Variants in NXPE2 observed in about 807,000 individuals in gnomAD.
The protein encoded by NXPE2 is neurexophilin and PC-esterase domain family member 2.
NXPE2 carries 34 observed loss-of-function variants against 34.4 expected under a neutral mutation model. The observed-to-expected ratio is 0.99, with a 90% CI of 0.75 to 1.31. The LOEUF (loss-of-function observed/expected upper bound fraction) is 1.31, where lower values mean the gene tolerates loss of function less well. NXPE2 is among the 40% of genes most tolerant of loss of function. The pLI is 0.00. For missense variants in NXPE2, 649 were observed against 672.5 expected, an observed-to-expected ratio of 0.97 and a Z score of 0.39; for synonymous variants, 235 against 231.3, an observed-to-expected ratio of 1.02 and a Z score of -0.15.
At chr11:114,506,548 C>T in the NXPE2 span, among the ~76,000 whole-genome samples, 1 of 152,212 alleles carries the variant, frequency 6.6e-6, no homozygotes, top group Admixed American at 6.5e-5. Context: ...GACCACATCA[C>T]AATCAAATTA....
intron 2 of NXPE2, among the ~76,000 whole-genome samples, chr11:114,686,264 C>A (rs1462498343): frequency 6.6e-6 from 1 of 152,054 alleles, no homozygotes; most frequent in Admixed American, 6.6e-5. Flanking sequence ...CAATCCTTGC[C>A]ATCCTCCCTC....
chr11:114,575,241 A>G, the NXPE2 span, among the ~76,000 whole-genome samples: 1 of 152,272 alleles, frequency 6.6e-6, no homozygotes, highest in Non-Finnish European at 1.5e-5. Flanking sequence ...CATAATACTG[A>G]ATGGGGAAAA....
At chr11:114,786,882 A>T in the NXPE2 span, among the ~76,000 whole-genome samples, 1 of 152,142 alleles carries the variant, frequency 6.6e-6, no homozygotes, top group African/African-American at 2.4e-5. Context: ...ATACAGCCTC[A>T]CACACTGCTT....
the NXPE2 span, among the ~76,000 whole-genome samples, chr11:114,772,547 C>CT: frequency 6.6e-6 from 1 of 151,982 alleles, no homozygotes; most frequent in African/African-American, 2.4e-5. Flanking sequence ...GTGCTAGCTT[C>CT]TTTGAAGGGT....
intron 2 of NXPE2, among the ~76,000 whole-genome samples, chr11:114,687,737 A>C (rs561096777): frequency 6.6e-6 from 1 of 152,000 alleles, no homozygotes; most frequent in Non-Finnish European, 1.5e-5. Flanking sequence ...TCCATGAGCA[A>C]GGGATGTTTT....
upstream of NXPE2, among the ~76,000 whole-genome samples, chr11:114,675,489 A>G (rs180898404): frequency 6.6e-6 from 1 of 151,996 alleles, no homozygotes; most frequent in African/African-American, 2.4e-5. Context: ...GCAGAAATAC[A>G]TAGATTTTCT....
chr11:114,684,708 C>T (rs1167198654), intron 2 of NXPE2, among the ~76,000 whole-genome samples: 1 of 151,860 alleles, frequency 6.6e-6, no homozygotes, highest in Non-Finnish European at 1.5e-5. Flanking sequence ...TCAGAGGCTC[C>T]AAAAATTTTC....
the NXPE2 span, among the ~76,000 whole-genome samples, chr11:114,525,015 A>C: frequency 6.6e-6 from 1 of 152,182 alleles, no homozygotes; most frequent in East Asian, 1.9e-4. Flanking sequence ...CCGTAGGTCA[A>C]ACAGCCTTGG....
the NXPE2 span, among the ~76,000 whole-genome samples, chr11:114,773,221 C>T: frequency 1.3e-5 from 2 of 151,114 alleles, no homozygotes; most frequent in Non-Finnish European, 2.9e-5. Flanking sequence ...CAATGGACTC[C>T]AAGACAGAGC....
At chr11:114,538,498 C>T in the NXPE2 span, among the ~76,000 whole-genome samples, 1 of 152,070 alleles carries the variant, frequency 6.6e-6, no homozygotes, top group Non-Finnish European at 1.5e-5. Flanking sequence ...AGGCAACCTA[C>T]AAAATGGGAG....
the NXPE2 span, among the ~76,000 whole-genome samples, chr11:114,672,165 C>T: frequency 1.3e-5 from 2 of 152,000 alleles, no homozygotes; most frequent in Non-Finnish European, 2.9e-5. Context: ...TCACTTCCCA[C>T]CAGATCCCTC....
At chr11:114,571,608 G>T in the NXPE2 span, 1 of 858,762 alleles carries the variant, frequency 1.2e-6, no homozygotes. Context: ...GTTTAGATGA[G>T]GGGATGTTTT....
the NXPE2 span, among the ~76,000 whole-genome samples, chr11:114,537,904 C>CT: frequency 2.0e-5 from 3 of 152,184 alleles, no homozygotes; most frequent in South Asian, 6.2e-4. Context: ...CTACCAATGA[C>CT]TTTCTTCACA....
chr11:114,607,743 C>T, the NXPE2 span, among the ~76,000 whole-genome samples: 186 of 151,820 alleles, frequency 1.2e-3, no homozygotes, highest in African/African-American at 3.4e-3. Context: ...CACAGTTGCC[C>T]GGTGGATAAT....
At chr11:114,714,590 C>T in the NXPE2 span, among the ~76,000 whole-genome samples, 1 of 152,202 alleles carries the variant, frequency 6.6e-6, no homozygotes, top group Non-Finnish European at 1.5e-5. Context: ...TCTCCCATGC[C>T]ACCTCTCGGC....
chr11:114,515,860 C>CA, the NXPE2 span, among the ~76,000 whole-genome samples: 1 of 151,742 alleles, frequency 6.6e-6, no homozygotes, highest in South Asian at 2.1e-4. Flanking sequence ...ACTGGTATTT[C>CA]AAAAGAAAAA....
chr11:114,717,308 T>G, the NXPE2 span, among the ~76,000 whole-genome samples: 6 of 152,206 alleles, frequency 3.9e-5, no homozygotes, highest in Admixed American at 3.3e-4. Context: ...AAGTCCTGAT[T>G]TGTAGCATCT....
chr11:114,712,212 A>G, the NXPE2 span, among the ~76,000 whole-genome samples: 2 of 152,184 alleles, frequency 1.3e-5, no homozygotes, highest in African/African-American at 4.8e-5. Flanking sequence ...AGAAAATAGA[A>G]GGGAAAGGAT....
the NXPE2 span, among the ~76,000 whole-genome samples, chr11:114,625,526 T>C: frequency 1.3e-5 from 2 of 152,108 alleles, no homozygotes; most frequent in African/African-American, 4.8e-5. Flanking sequence ...GGATAATAAG[T>C]ATTGCCTCAT....
Sources: gnomAD v4.1 joint callset for allele counts (sites outside exome capture counted in the v4.1 genomes callset) on GRCh38, gnomAD v4.1.1 for gene constraint, MANE v1.5 for transcripts, NCBI Gene and HGNC (gene_info 2026-07-23, HGNC 2026-07-21) for gene names.